Variants in SLC1A2 observed in about 807,000 individuals in gnomAD.
SLC1A2 encodes the protein excitatory amino acid transporter 2.
A neutral mutation model predicts 48.8 loss-of-function variants in SLC1A2; 15 were observed. The observed-to-expected ratio is 0.31, with a 90% CI of 0.21 to 0.47. The LOEUF (loss-of-function observed/expected upper bound fraction) is 0.47. SLC1A2 is among the 20% of genes least tolerant of loss of function. SLC1A2 has a pLI of 0.99. For synonymous variants in SLC1A2, 279 were observed against 272.6 expected (o/e 1.02, Z -0.23); for missense variants, 502 against 730.5 (o/e 0.69, Z 3.61).
upstream of SLC1A2, chr11:35,420,024 CG>C: frequency 2.3e-6 from 1 of 428,522 alleles, no homozygotes; most frequent in East Asian, 7.4e-5. Context: ...GGCCCAGCTG[CG>C]CTCCCTCCCC....
At chr11:35,405,678 A>G (rs1391038148) in intron 1 of SLC1A2, among the ~76,000 whole-genome samples, 1 of 152,336 alleles carries the variant, frequency 6.6e-6, no homozygotes, top group Non-Finnish European at 1.5e-5. Flanking sequence ...TAATTTTCCC[A>G]GACAGCTGCA....
chr11:35,318,051 T>G (rs1242190792), intron 1 of SLC1A2, among the ~76,000 whole-genome samples: 1 of 152,226 alleles, frequency 6.6e-6, no homozygotes, highest in Admixed American at 6.5e-5. Flanking sequence ...AAAGATAGTT[T>G]ATCTAGTAAA....
In SLC1A2 at chr11:35,254,878, G is replaced by A. The variant is rs1950292298; in HGVS notation, c.*6016C>T. On this transcript the variant is annotated 3_prime_UTR_variant, in exon 11 of 11. Coordinates refer to ENST00000278379, the MANE Select transcript of SLC1A2 (RefSeq NM_004171.4). ...TTTGGCCTGGAGGTTGGAAAGTGAAGCAAGGCTGGACATAGAAAAAAACTG... is the reference window on the plus strand; with the variant it reads ...TTTGGCCTGGAGGTTGGAAAGTGAAACAAGGCTGGACATAGAAAAAAACTG... 4.5e-6 allele frequency: 2 copies of A among 448,096 alleles called. No homozygotes were observed. Among genetic ancestry groups the A allele is most frequent in the Non-Finnish European group, 8.9e-6 (2 of 223,716 alleles). 27.8% of individuals were successfully genotyped at this position (448,096 alleles called of 1,614,324 possible). A position where few individuals can be genotyped will look rare whatever the true frequency, so the allele number is the denominator to read the frequency against.
chr11:35,416,514 C>T (rs947886856), intron 1 of SLC1A2, among the ~76,000 whole-genome samples: 1 of 152,220 alleles, frequency 6.6e-6, no homozygotes, highest in Non-Finnish European at 1.5e-5. Context: ...ATTATTGCTT[C>T]TAATAATTCT....
chr11:35,298,641 T>C (rs888254609), intron 6 of SLC1A2: 2 of 152,236 alleles, frequency 1.3e-5, no homozygotes, highest in African/African-American at 4.8e-5. Flanking sequence ...TCTAAGGTCT[T>C]ATTCCTGCCT....
intron 1 of SLC1A2, among the ~76,000 whole-genome samples, chr11:35,339,345 T>A (rs960474138): frequency 3.3e-5 from 5 of 152,198 alleles, no homozygotes; most frequent in Admixed American, 6.5e-5. Flanking sequence ...AGAGATTTCA[T>A]AAAATCAAAC....
chr11:35,407,991 T>C (rs10836395), intron 1 of SLC1A2, among the ~76,000 whole-genome samples: 104,824 of 152,132 alleles, frequency 0.69, 36,685 homozygotes, highest in African/African-American at 0.81. Context: ...CTACTGATAT[T>C]CCACTCGCCA....
rs973569358 is a variant in SLC1A2, at chr11:35,418,883, G to T, written c.17+67C>A. On this transcript the variant is annotated intron_variant, in intron 1 of 10. Coordinates refer to ENST00000278379, the MANE Select transcript of SLC1A2 (RefSeq NM_004171.4). Reference sequence around the variant, plus strand: ...GCCGCCGCCTCTCTATCCGCATCCCGGATAGGGGCGCCACCACCCCGCGCG... The same window carrying T: ...GCCGCCGCCTCTCTATCCGCATCCCTGATAGGGGCGCCACCACCCCGCGCG... The T allele has an allele frequency of 3.4e-6, 5 of 1,459,100 alleles. No homozygotes were observed. In the East Asian group the frequency reaches 1.3e-4, roughly 37 times the overall value. The allele number at this position is 1,459,100 out of a possible 1,614,324, so 90.4% of individuals were successfully genotyped here.
intron 4 of SLC1A2, among the ~76,000 whole-genome samples, chr11:35,306,532 G>C (rs573896117): frequency 1.3e-5 from 2 of 152,288 alleles, no homozygotes; most frequent in African/African-American, 4.8e-5. Context: ...TACAATGTGT[G>C]ATGATCAAAT....
At chr11:35,334,019 T>C (rs111727302) in intron 1 of SLC1A2, among the ~76,000 whole-genome samples, 7 of 152,220 alleles carry the variant, frequency 4.6e-5, no homozygotes, top group African/African-American at 1.4e-4. Context: ...GTTTCAGTAT[T>C]ATTATTGAAA....
At chr11:35,385,278 T>C (rs908930025) in intron 1 of SLC1A2, among the ~76,000 whole-genome samples, 1 of 152,172 alleles carries the variant, frequency 6.6e-6, no homozygotes, top group Non-Finnish European at 1.5e-5. Context: ...AGAAGAGAGG[T>C]AACAGCTGTT....
At chr11:35,324,548 A>T (rs1420868855) in intron 1 of SLC1A2, among the ~76,000 whole-genome samples, 1 of 152,176 alleles carries the variant, frequency 6.6e-6, no homozygotes, top group African/African-American at 2.4e-5. Context: ...GAAATCCCTC[A>T]TATGATGCAA....
chr11:35,269,065 G>A (rs1363922105), intron 9 of SLC1A2, among the ~76,000 whole-genome samples: 1 of 152,176 alleles, frequency 6.6e-6, no homozygotes. Flanking sequence ...GGACCATTGG[G>A]AGGTGATTAG....
Position 35,253,337 on chromosome 11 carries a change from T to C in SLC1A2, c.*7557A>G, listed in dbSNP as rs1275686629. ...TTACCACTAATTTGCTTGGCAAGAA[T>C]TAACTGCAACAAATCTGTCCTGATT... On this transcript the variant is annotated 3_prime_UTR_variant, in exon 11 of 11. Transcript: ENST00000278379. The C allele has an allele frequency of 1.3e-5, 2 of 152,630 alleles. No homozygotes were observed. The highest frequency in any genetic ancestry group is 4.8e-5 in the African/African-American group (2 of 41,454). 9.5% of individuals were successfully genotyped at this position (152,630 alleles called of 1,614,324 possible).
intron 1 of SLC1A2, among the ~76,000 whole-genome samples, chr11:35,362,057 C>T (rs896758106): frequency 3.4e-4 from 52 of 152,286 alleles, no homozygotes; most frequent in African/African-American, 1.3e-3. Context: ...ATTAATCTGA[C>T]CAGAGGTTAG....
intron 1 of SLC1A2, among the ~76,000 whole-genome samples, chr11:35,335,169 G>C (rs1412565405): frequency 1.3e-5 from 2 of 152,080 alleles, no homozygotes; most frequent in African/African-American, 4.8e-5. Flanking sequence ...TGCATTGATG[G>C]GGGGGAAGTG....
At chr11:35,294,579 A>T (rs1851112513) in intron 6 of SLC1A2, among the ~76,000 whole-genome samples, 1 of 152,218 alleles carries the variant, frequency 6.6e-6, no homozygotes, top group Admixed American at 6.5e-5. Context: ...ACAAGAGATC[A>T]ATTCTTTCCC....
chr11:35,360,351 C>T lies in SLC1A2; in HGVS notation c.18-42835G>A, dbSNP rs140333454. Among the ~76,000 whole-genome samples, 1,355 of 152,264 alleles carry T rather than the reference C, an allele frequency of 8.9e-3. 12 individuals carry two copies. Among genetic ancestry groups the T allele is most frequent in the African/African-American group, 0.031 (1,301 of 41,546 alleles). ...GCAAGAACCATGGCTGTTTCCCTCCCACGTTTTGTGAATTTCTACTTGGTT... is the reference window on the plus strand; with the variant it reads ...GCAAGAACCATGGCTGTTTCCCTCCTACGTTTTGTGAATTTCTACTTGGTT... On this transcript the variant is annotated intron_variant, in intron 1 of 10. Transcript: ENST00000278379.
intron 1 of SLC1A2, among the ~76,000 whole-genome samples, chr11:35,389,648 T>C (rs184474580): frequency 1.3e-5 from 2 of 152,212 alleles, no homozygotes. Flanking sequence ...TTTTTGTATT[T>C]TTAGTAGAGA....
Sources: gnomAD v4.1 joint callset for allele counts (sites outside exome capture counted in the v4.1 genomes callset) on GRCh38, gnomAD v4.1.1 for gene constraint, MANE v1.5 for transcripts, NCBI Gene and HGNC (gene_info 2026-07-23, HGNC 2026-07-21) for gene names.